PHF2: variants seen among roughly 807,000 people sequenced by gnomAD.
The protein encoded by PHF2 is PHD finger protein 2, also known as lysine-specific demethylase PHF2.
In PHF2, 27 loss-of-function variants were observed where a neutral mutation model predicts 120.5. The ratio of observed to expected loss-of-function variants is 0.22; its 90% CI spans 0.17 to 0.31. The LOEUF (loss-of-function observed/expected upper bound fraction) is 0.31, where lower values mean the gene tolerates loss of function less well. PHF2 is among the 10% of genes least tolerant of loss of function. The pLI, the probability that PHF2 is intolerant of heterozygous loss-of-function variation, is 1.00. For synonymous variants in PHF2, 568 were observed against 592.5 expected (o/e 0.96, Z 0.60); for missense variants, 1,024 against 1,434.8 (o/e 0.71, Z 4.63).
At chr9:93,586,370 A>T (rs1008129026) in intron 1 of PHF2, among the ~76,000 whole-genome samples, 2 of 152,258 alleles carry the variant, frequency 1.3e-5, no homozygotes, top group African/African-American at 4.8e-5. Context: ...GCAGCCAGGC[A>T]GGGAGAGGTT....
chr9:93,654,695 T>C (rs1826427894), intron 7 of PHF2, 120 bp downstream of exon 7: 3 of 952,998 alleles, frequency 3.1e-6, no homozygotes, highest in Non-Finnish European at 5.0e-6. Context: ...CTGGCATGCC[T>C]GCTCCCTTGT....
chr9:93,671,079 TG>T (rs2118087995), intron 17 of PHF2: 1 of 802,078 alleles, frequency 1.2e-6, no homozygotes. Flanking sequence ...GGGTGCAGGG[TG>T]GGGGTAGGTG....
Position 93,659,493 on chromosome 9 carries a change from G to A in PHF2, c.1240-18G>A, listed in dbSNP as rs1230438018. On this transcript the variant is annotated intron_variant, in intron 10 of 21. Transcript: ENST00000359246. ...CGGGAGGTGTCTGGTGCTGACCCTG[G>A]GTCCGGTTGTCCTGCAGGCTTTGGC... 1.9e-6 allele frequency: 3 copies of A among 1,610,404 alleles called. No homozygotes were observed. In the East Asian group the frequency reaches 6.7e-5, roughly 36 times the overall value.
intron 1 of PHF2, among the ~76,000 whole-genome samples, chr9:93,622,956 T>A (rs1267814603): frequency 6.6e-6 from 1 of 152,140 alleles, no homozygotes; most frequent in Non-Finnish European, 1.5e-5. Context: ...ATGGGCCATG[T>A]GTGTGCAAGG....
chr9:93,614,690 C>G (rs1443367262), intron 1 of PHF2, among the ~76,000 whole-genome samples: 2 of 152,088 alleles, frequency 1.3e-5, no homozygotes, highest in Non-Finnish European at 2.9e-5. Context: ...TTTTTCTGTC[C>G]ATGGAGTGTT....
At chr9:93,641,070 C>T (rs1461780334) in intron 3 of PHF2, among the ~76,000 whole-genome samples, 8 of 152,266 alleles carry the variant, frequency 5.3e-5, no homozygotes, top group Admixed American at 5.2e-4. Flanking sequence ...TCTATAATTT[C>T]AGGATTAAAT....
rs1463450868 is a variant in PHF2, at chr9:93,673,790, A to T, written c.2554A>T (p.Asn852Tyr). ...GKRLLKRAAK[N>Y]SVDLDDYEEE... Reference sequence around the variant, plus strand: ...ACGACTGCTGAAGAGGGCTGCCAAGAACAGTGTCGACCTGGACGACTACGA... The same window carrying T: ...ACGACTGCTGAAGAGGGCTGCCAAGTACAGTGTCGACCTGGACGACTACGA... Residue 852 changes from asparagine (N) to tyrosine (Y), a missense_variant, in exon 18 of 22, where the codon AAC becomes TAC. Around this residue, in one of 2 missense-constraint regions of PHF2, gnomAD observed 677 missense variants for 857.4 expected, o/e 0.79. Coordinates refer to ENST00000359246, the MANE Select transcript of PHF2 (RefSeq NM_005392.4). 1.2e-6 allele frequency: 2 copies of T among 1,613,202 alleles called. No individual in the cohort carries two copies. Among genetic ancestry groups the T allele is most frequent in the East Asian group, 4.5e-5 (2 of 44,858 alleles).
At chr9:93,608,559 G>A (rs1248243466) in intron 1 of PHF2, among the ~76,000 whole-genome samples, 7 of 152,050 alleles carry the variant, frequency 4.6e-5, no homozygotes, top group Admixed American at 4.6e-4. Flanking sequence ...TCACCAGTGG[G>A]TTCTGTCTGA....
At chr9:93,667,026 C>A in intron 16 of PHF2, 54 bp from the exon 17 acceptor site, 1 of 1,508,856 alleles carries the variant, frequency 6.6e-7, no homozygotes, top group Non-Finnish European at 8.9e-7. Context: ...AACTCCCAGG[C>A]CACTTTGGTG....
rs150681850 is a variant in PHF2, at chr9:93,598,290, C to G, written c.98+21419C>G. Among the ~76,000 whole-genome samples the G allele has an allele frequency of 2.4e-3, 373 of 152,314 alleles. 12 individuals carry two copies. The East Asian group carries it at 0.067, about 27-fold the overall frequency. On this transcript the variant is annotated intron_variant, in intron 1 of 21. Coordinates refer to ENST00000359246, the MANE Select transcript of PHF2 (RefSeq NM_005392.4). Reference sequence around the variant, plus strand: ...GTGAGCATCAGACTTAGCATTTAATCGCGATTCACTCCCAGCCAGTGAAGA... The same window carrying G: ...GTGAGCATCAGACTTAGCATTTAATGGCGATTCACTCCCAGCCAGTGAAGA...
chr9:93,598,967 C>T (rs1825382949), intron 1 of PHF2, among the ~76,000 whole-genome samples: 1 of 152,152 alleles, frequency 6.6e-6, no homozygotes, highest in Admixed American at 6.5e-5. Flanking sequence ...TCCGTGTGCG[C>T]CCTTGGAAGC....
chr9:93,658,225 A>G lies in PHF2; in HGVS notation c.1228A>G (p.Thr410Ala). ...KILNGAFRSW[T>A]KKQALAEHED... is the part of the protein sequence containing the mutation. ...TCTCAATGGTGCTTTCCGATCGTGG[A>G]CGAAGAAGCAGGTAGGAATCATGTC... Residue 410 changes from threonine (T) to alanine (A), a missense_variant, in exon 10 of 22, where the codon ACG becomes GCG. Coordinates refer to ENST00000359246, the MANE Select transcript of PHF2 (RefSeq NM_005392.4). The G allele has an allele frequency of 1.9e-6, 3 of 1,611,376 alleles. No homozygotes were observed. The highest frequency in any genetic ancestry group is 2.5e-6 in the Non-Finnish European group (3 of 1,179,060).
intron 1 of PHF2, among the ~76,000 whole-genome samples, chr9:93,616,328 C>T (rs2989756): frequency 0.31 from 47,387 of 152,114 alleles, 8,161 homozygotes; most frequent in South Asian, 0.6. Flanking sequence ...CTGAAGGGTG[C>T]AAATCTTTTT....
Position 93,604,818 on chromosome 9 carries a change from A to G in PHF2, c.99-25152A>G, listed in dbSNP as rs371298849. On this transcript the variant is annotated intron_variant, in intron 1 of 21. Transcript: ENST00000359246. The stretch of plus-strand genomic sequence containing the variant: ...TGTTATTTTAAGTAATACCTGAGAT[A>G]GAATCCTTGAATTCTGAGCCTTTTT... Among the ~76,000 whole-genome samples the G allele has an allele frequency of 2.3e-4, 34 of 145,818 alleles. No homozygotes were observed. In the East Asian group the frequency reaches 6.3e-3, roughly 27 times the overall value.
chr9:93,614,688 T>A (rs1243070451), intron 1 of PHF2, among the ~76,000 whole-genome samples: 1 of 152,216 alleles, frequency 6.6e-6, no homozygotes, highest in Non-Finnish European at 1.5e-5. Context: ...GTTTTTTCTG[T>A]CCATGGAGTG....
At chr9:93,653,445 C>G in intron 6 of PHF2, 80 bp downstream of exon 6, 4 of 1,462,852 alleles carry the variant, frequency 2.7e-6, no homozygotes, top group Non-Finnish European at 3.8e-6. Context: ...CCCCACAAGC[C>G]CTGATTGGCC....
At chr9:93,579,654 C>T (rs1862897386) in intron 1 of PHF2, among the ~76,000 whole-genome samples, 1 of 152,242 alleles carries the variant, frequency 6.6e-6, no homozygotes, top group South Asian at 2.1e-4. Context: ...TTACCATACA[C>T]AGTAACTATA....
At chr9:93,590,301 G>A (rs1057241052) in intron 1 of PHF2, among the ~76,000 whole-genome samples, 1 of 152,208 alleles carries the variant, frequency 6.6e-6, no homozygotes, top group Non-Finnish European at 1.5e-5. Context: ...TTGTAGAGTT[G>A]TGTCAGTAGC....
chr9:93,596,358 G>T (rs147008033), intron 1 of PHF2, among the ~76,000 whole-genome samples: 1 of 152,104 alleles, frequency 6.6e-6, no homozygotes, highest in African/African-American at 2.4e-5. Flanking sequence ...AGGGATCAAG[G>T]CTCCATGGAT....
Sources: allele counts gnomAD v4.1 joint callset (sites outside exome capture counted in the v4.1 genomes callset), GRCh38; gene constraint gnomAD v4.1.1; regional missense constraint gnomAD v4.1.1; transcripts MANE v1.5; gene names NCBI Gene and HGNC (gene_info 2026-07-23, HGNC 2026-07-21).